Variants in MEIKIN observed in about 807,000 individuals in gnomAD.
MEIKIN encodes meiosis-specific kinetochore protein.
Position 131,872,232 on chromosome 5 carries a change from A to G in MEIKIN, c.774+6746T>C, listed in dbSNP as rs759263585. Reference sequence around the variant, plus strand: ...AGGAGGAAGTTCAAACCAATGGCAAAGAAGTTAAAAACTTCGAAAAAAAAT... The same window carrying G: ...AGGAGGAAGTTCAAACCAATGGCAAGGAAGTTAAAAACTTCGAAAAAAAAT... On this transcript the variant is annotated intron_variant, in intron 9 of 12. Transcript: ENST00000442687. Among the ~76,000 whole-genome samples, 64 of 106,924 alleles carry G rather than the reference A, an allele frequency of 6.0e-4. 1 individual carries two copies. Among genetic ancestry groups the G allele is most frequent in the Non-Finnish European group, 1.1e-3 (54 of 50,776 alleles). 70.1% of individuals were successfully genotyped at this position (106,924 alleles called of 152,430 possible). A position where few individuals can be genotyped will look rare whatever the true frequency, so the allele number is the denominator to read the frequency against.
At chr5:131,829,091 C>T (rs1749667180) in intron 11 of MEIKIN, among the ~76,000 whole-genome samples, 1 of 152,122 alleles carries the variant, frequency 6.6e-6, no homozygotes, top group Non-Finnish European at 1.5e-5. Context: ...GAAGATCCCT[C>T]TAGCTTCCAC....
intron 9 of MEIKIN, among the ~76,000 whole-genome samples, chr5:131,861,947 G>C (rs1458143026): frequency 6.6e-6 from 1 of 152,148 alleles, no homozygotes; most frequent in Non-Finnish European, 1.5e-5. Context: ...TTTGGAATCA[G>C]GGTAATGTTA....
chr5:131,926,533 G>A (rs902098389), intron 5 of MEIKIN, among the ~76,000 whole-genome samples: 3 of 152,140 alleles, frequency 2.0e-5, no homozygotes, highest in Non-Finnish European at 4.4e-5. Flanking sequence ...TAGTATGAGG[G>A]TAATGCTGGC....
intron 8 of MEIKIN, among the ~76,000 whole-genome samples, chr5:131,897,861 C>A (rs997718414): frequency 6.6e-6 from 1 of 152,170 alleles, no homozygotes. Context: ...TCCTTTAGCT[C>A]AGAGAAGTTT....
rs1283325898 is a variant in MEIKIN at position 131,878,990 on chromosome 5, T to C, written c.762A>G (p.Lys254=). 2.5e-6 allele frequency: 1 copy of C among 398,582 alleles called. No homozygotes were observed. Among genetic ancestry groups the C allele is most frequent in the Non-Finnish European group, 4.4e-6 (1 of 225,898 alleles). 24.7% of individuals were successfully genotyped at this position (398,582 alleles called of 1,614,324 possible). A position where few individuals can be genotyped will look rare whatever the true frequency, so the allele number is the denominator to read the frequency against. ...CTTCAATACTTGCTTTTTTCTTTGT[T>C]TTTTCAGGGGTTGAAGGGCAAGTTT... ...AEKTCPSTPE[K]TKKKKTNSST... Residue 254 remains lysine, a synonymous_variant, in exon 9 of 13, where the codon AAA becomes AAG. Transcript: ENST00000442687.
intron 11 of MEIKIN, among the ~76,000 whole-genome samples, chr5:131,820,094 T>TA (rs1749465433): frequency 1.1e-5 from 1 of 88,286 alleles, no homozygotes; most frequent in African/African-American, 4.7e-5. Context: ...TTTTTTGAGA[T>TA]GGAGTCTCAC....
At chr5:131,910,069 T>C (rs56801606) in intron 8 of MEIKIN, among the ~76,000 whole-genome samples, 2 of 151,998 alleles carry the variant, frequency 1.3e-5, no homozygotes, top group Non-Finnish European at 2.9e-5. Flanking sequence ...TACTGCTGAG[T>C]ATATACGCAA....
intron 5 of MEIKIN, among the ~76,000 whole-genome samples, chr5:131,923,752 TTCC>T (rs1485190708): frequency 6.6e-6 from 1 of 152,028 alleles, no homozygotes; most frequent in African/African-American, 2.4e-5. Flanking sequence ...TTGATTCTTT[TTCC>T]TCCTACTTAA....
chr5:131,849,324 C>T (rs1201931158), intron 11 of MEIKIN, among the ~76,000 whole-genome samples: 1 of 151,234 alleles, frequency 6.6e-6, no homozygotes, highest in Non-Finnish European at 1.5e-5. Flanking sequence ...ATGTAAGATG[C>T]CTTGCTCCCC....
intron 11 of MEIKIN, among the ~76,000 whole-genome samples, chr5:131,839,428 ATCTG>A (rs775420754): frequency 3.9e-5 from 6 of 152,110 alleles, no homozygotes; most frequent in Admixed American, 6.5e-5. Flanking sequence ...TGCCTTGATG[ATCTG>A]TCTAATACTG....
intron 11 of MEIKIN, among the ~76,000 whole-genome samples, chr5:131,840,859 T>C (rs1235197144): frequency 6.6e-6 from 1 of 152,216 alleles, no homozygotes; most frequent in Admixed American, 6.5e-5. Context: ...GTTTCAGTCA[T>C]CTCTGCCACA....
At chr5:131,861,778 T>C (rs10478991) in intron 9 of MEIKIN, among the ~76,000 whole-genome samples, 11,489 of 152,202 alleles carry the variant, frequency 0.075, 899 homozygotes, top group African/African-American at 0.2. Flanking sequence ...GGTTAAACCA[T>C]TCTTGCATCC....
chr5:131,844,432 A>G (rs1285787484), intron 11 of MEIKIN, among the ~76,000 whole-genome samples: 1 of 152,228 alleles, frequency 6.6e-6, no homozygotes, highest in African/African-American at 2.4e-5. Flanking sequence ...CTGCCTTGAG[A>G]GAATTTCTAG....
chr5:131,877,551 G>T (rs1461693902), intron 9 of MEIKIN, among the ~76,000 whole-genome samples: 1 of 152,162 alleles, frequency 6.6e-6, no homozygotes, highest in Non-Finnish European at 1.5e-5. Flanking sequence ...GCTGAGGCAA[G>T]AGAATCATTT....
intron 9 of MEIKIN, among the ~76,000 whole-genome samples, chr5:131,855,764 G>T (rs942875091): frequency 6.6e-6 from 1 of 152,130 alleles, no homozygotes; most frequent in African/African-American, 2.4e-5. Flanking sequence ...GAGAGATCAA[G>T]ACAGAGACCA....
At chr5:131,812,196 G>A (rs1195563184) in intron 12 of MEIKIN, among the ~76,000 whole-genome samples, 1 of 152,124 alleles carries the variant, frequency 6.6e-6, no homozygotes, top group Non-Finnish European at 1.5e-5. Context: ...CATTATGTTT[G>A]TAATTTTGTA....
intron 9 of MEIKIN, among the ~76,000 whole-genome samples, chr5:131,871,928 G>C (rs1164605833): frequency 6.6e-6 from 1 of 152,168 alleles, no homozygotes; most frequent in Non-Finnish European, 1.5e-5. Flanking sequence ...CAGACCTGCA[G>C]CTGAGGGTCC....
intron 11 of MEIKIN, among the ~76,000 whole-genome samples, chr5:131,842,007 CTT>C: frequency 6.8e-6 from 1 of 146,568 alleles, no homozygotes; most frequent in South Asian, 2.2e-4. Context: ...AATTTAACTT[CTT>C]TTTTTTTTTG....
chr5:131,834,920 G>GT (rs1384926314), intron 11 of MEIKIN, among the ~76,000 whole-genome samples: 1 of 151,608 alleles, frequency 6.6e-6, no homozygotes, highest in Non-Finnish European at 1.5e-5. Flanking sequence ...TATCAGCAGT[G>GT]TACAAGGGTT....
Sources: allele counts gnomAD v4.1 joint callset (sites outside exome capture counted in the v4.1 genomes callset), GRCh38; gene constraint gnomAD v4.1.1; transcripts MANE v1.5; gene names NCBI Gene and HGNC (gene_info 2026-07-23, HGNC 2026-07-21).